The following S100B variants were observed in gnomAD, a reference collection of about 807,000 sequenced individuals.
S100B encodes the protein protein S100-B.
S100B carries 6 observed loss-of-function variants against 7.7 expected under a neutral mutation model. That is an observed-to-expected ratio of 0.78 (90% CI 0.43 to 1.54). The LOEUF (loss-of-function observed/expected upper bound fraction) is 1.54. S100B is among the 40% of genes most tolerant of loss of function. The pLI, the probability that S100B is intolerant of heterozygous loss-of-function variation, is 0.01. For missense variants in S100B, 99 were observed against 111.8 expected (o/e 0.89, Z 0.52); for synonymous variants, 36 against 40.4 (o/e 0.89, Z 0.41).
intron 1 of S100B, chr21:46,602,794 CCT>C (rs1348543322): frequency 1.8e-5 from 3 of 166,324 alleles, no homozygotes; most frequent in African/African-American, 7.2e-5. Flanking sequence ...CCTCTCTGTT[CCT>C]GCAAGGCTCC....
chr21:46,604,562 G>A (rs1369009124), intron 1 of S100B, among the ~76,000 whole-genome samples: 3 of 152,202 alleles, frequency 2.0e-5, no homozygotes, highest in Non-Finnish European at 4.4e-5. Context: ...GAAAACTGAA[G>A]AGTTACTTAC....
chr21:46,599,506 A>G lies in S100B; in HGVS notation c.139-3T>C, dbSNP rs1244501550. 1 of 1,613,888 alleles carries G rather than the reference A, an allele frequency of 6.2e-7. No individual in the cohort carries two copies. The highest frequency in any genetic ancestry group is 1.7e-5 in the Admixed American group (1 of 60,002). On this transcript the variant is annotated splice_polypyrimidine_tract_variant and splice_region_variant and intron_variant, in intron 2 of 2. Transcript: ENST00000291700. ...ACAACCTCCTGCTCTTTGATTTCCT[A>G]AGAGAGATAAAAGGAGTTGCCGACC...
chr21:46,601,364 T>G (rs1264030487), intron 2 of S100B, among the ~76,000 whole-genome samples: 1 of 152,188 alleles, frequency 6.6e-6, no homozygotes, highest in Non-Finnish European at 1.5e-5. Flanking sequence ...ACGTTTCATA[T>G]GTGCACACCA....
rs1006707976 is a variant in S100B at position 46,600,516 on chromosome 21, A to G, written c.139-1013T>C. The G allele has an allele frequency of 3.5e-5, 11 of 311,370 alleles. No individual in the cohort carries two copies. In the Admixed American group the frequency reaches 4.1e-4, roughly 12 times the overall value. 19.3% of individuals were successfully genotyped at this position (311,370 alleles called of 1,614,324 possible). A position where few individuals can be genotyped will look rare whatever the true frequency, so the allele number is the denominator to read the frequency against. On this transcript the variant is annotated intron_variant, in intron 2 of 2. Transcript: ENST00000291700. ...GCCAAGATTGCACCACTGCACTCCA[A>G]CCTGGGTGACTGAGCAAGACCTTAT...
chr21:46,604,539 C>A (rs1032243819), intron 1 of S100B, among the ~76,000 whole-genome samples: 1 of 152,132 alleles, frequency 6.6e-6, no homozygotes, highest in African/African-American at 2.4e-5. Flanking sequence ...GCACTTCAAA[C>A]TGAGGGAAAC....
rs1472593699 is a variant in S100B at position 46,602,352 on chromosome 21, C to G, written c.64G>C (p.Glu22Gln). Reference sequence around the variant, plus strand: ...TTCTTCAGCTTGTGCTTGTCTCCCTCCCTTCCAGAATATTGGTGGAAAACG... The same window carrying G: ...TTCTTCAGCTTGTGCTTGTCTCCCTGCCTTCCAGAATATTGGTGGAAAACG... The part of the protein sequence containing the change: ...IDVFHQYSGR[E>Q]GDKHKLKKSE... Residue 22 changes from glutamate (E) to glutamine (Q), a missense_variant, in exon 2 of 3, where the codon GAG (glutamate) becomes CAG (glutamine). Physicochemically the swap from Glu to Gln is conservative, Grantham distance 29 (BLOSUM62 2). Transcript: ENST00000291700. 2 of 1,614,060 alleles carry G rather than the reference C, an allele frequency of 1.2e-6. No homozygotes were observed. The highest frequency in any genetic ancestry group is 1.6e-4 in the Middle Eastern group (1 of 6,062).
chr21:46,601,676 G>A (rs563120805), intron 2 of S100B, among the ~76,000 whole-genome samples: 4 of 152,306 alleles, frequency 2.6e-5, no homozygotes, highest in African/African-American at 9.6e-5. Flanking sequence ...ACCAATATCC[G>A]TTACTCCACA....
At chr21:46,599,567 G>A in intron 2 of S100B, 64 bp from the exon 3 acceptor site, 1 of 1,433,628 alleles carries the variant, frequency 7.0e-7, no homozygotes, top group South Asian at 1.2e-5. Context: ...ATCAAAACAT[G>A]ATTAAAAGTT....
intron 2 of S100B, among the ~76,000 whole-genome samples, chr21:46,599,991 A>C (rs1465722489): frequency 1.3e-5 from 2 of 152,124 alleles, no homozygotes; most frequent in African/African-American, 4.8e-5. Context: ...TCTTTTTCCC[A>C]CTTGAATTGC....
At chr21:46,599,556 C>G (rs2061035962) in intron 2 of S100B, 53 bp from the exon 3 acceptor site, 1 of 1,522,634 alleles carries the variant, frequency 6.6e-7, no homozygotes, top group East Asian at 2.3e-5. Context: ...AATTTTGGAC[C>G]ATCAAAACAT....
chr21:46,604,323 G>A (rs1601894677), intron 1 of S100B, among the ~76,000 whole-genome samples: 1 of 152,098 alleles, frequency 6.6e-6, no homozygotes, highest in African/African-American at 2.4e-5. Context: ...TTAATATTGA[G>A]AACAAGAGAA....
intron 1 of S100B, among the ~76,000 whole-genome samples, chr21:46,604,254 G>A (rs538578677): frequency 5.1e-4 from 77 of 152,294 alleles, no homozygotes; most frequent in Non-Finnish European, 8.7e-4. Context: ...TCTTTTAAGA[G>A]AAATGGAAAT....
At chr21:46,602,184 A>G in intron 2 of S100B, 94 bp downstream of exon 2, 1 of 1,199,280 alleles carries the variant, frequency 8.3e-7, no homozygotes, top group South Asian at 1.5e-5. Flanking sequence ...GGGAAATGAA[A>G]TCACCTTCAG....
At chr21:46,604,718 T>C (rs529857954) in intron 1 of S100B, among the ~76,000 whole-genome samples, 1 of 152,326 alleles carries the variant, frequency 6.6e-6, no homozygotes, top group African/African-American at 2.4e-5. Flanking sequence ...AGGCAGTATT[T>C]GTAGTACCGC....
At chr21:46,601,981 T>C (rs2061042479) in intron 2 of S100B, among the ~76,000 whole-genome samples, 1 of 152,260 alleles carries the variant, frequency 6.6e-6, no homozygotes. Flanking sequence ...TTTCCTTTTA[T>C]GTTCCCTTTG....
intron 1 of S100B, among the ~76,000 whole-genome samples, chr21:46,603,308 C>G (rs2061046807): frequency 6.8e-6 from 1 of 148,094 alleles, no homozygotes; most frequent in Non-Finnish European, 1.5e-5. Flanking sequence ...CAGAATCCAG[C>G]AGAAAGCTGA....
intron 1 of S100B, among the ~76,000 whole-genome samples, chr21:46,603,393 G>GGGGGGGGCGGGGGGT (rs1555923743): frequency 3.5e-5 from 2 of 57,608 alleles, no homozygotes; most frequent in African/African-American, 1.1e-4. Flanking sequence ...GACGGCGGGA[G>GGGGGGGGCGGGGGGT]GGGGTGGGGG....
chr21:46,602,704 G>T, intron 1 of S100B: 1 of 283,658 alleles, frequency 3.5e-6, no homozygotes, highest in Non-Finnish European at 6.6e-6. Flanking sequence ...TGGGCCAACA[G>T]GGAAACTGGC....
chr21:46,601,675 C>T (rs1187395840), intron 2 of S100B, among the ~76,000 whole-genome samples: 4 of 152,220 alleles, frequency 2.6e-5, no homozygotes, highest in Non-Finnish European at 5.9e-5. Flanking sequence ...CACCAATATC[C>T]GTTACTCCAC....
Sources: allele counts gnomAD v4.1 joint callset (sites outside exome capture counted in the v4.1 genomes callset), GRCh38; gene constraint gnomAD v4.1.1; transcripts MANE v1.5; gene names NCBI Gene and HGNC (gene_info 2026-07-23, HGNC 2026-07-21).